METTL4: variants seen among roughly 807,000 people sequenced by gnomAD.
METTL4 encodes the protein methyltransferase 4, N6-adenosine, also known as N(6)-adenine-specific methyltransferase METTL4.
METTL4 carries 40 observed loss-of-function variants against 54.0 expected under a neutral mutation model. The ratio of observed to expected loss-of-function variants is 0.74; its 90% CI spans 0.58 to 0.96. The LOEUF is 0.96. Among genes scored for constraint, METTL4 ranks in the 50% least tolerant of loss-of-function variants. The pLI is 0.00. For synonymous variants in METTL4, 169 were observed against 183.8 expected, an observed-to-expected ratio of 0.92 and a Z score of 0.65; for missense variants, 525 against 549.0, an observed-to-expected ratio of 0.96 and a Z score of 0.44.
At chr18:2,559,112 G>A (rs774611130) in intron 3 of METTL4, among the ~76,000 whole-genome samples, 7 of 152,148 alleles carry the variant, frequency 4.6e-5, no homozygotes, top group Admixed American at 3.3e-4. Context: ...TTCCACTTCT[G>A]GGTATATATC....
intron 1 of METTL4, among the ~76,000 whole-genome samples, chr18:2,569,764 T>G (rs546642590): frequency 6.6e-6 from 1 of 152,302 alleles, no homozygotes; most frequent in Admixed American, 6.5e-5. Context: ...CCCACCTTTA[T>G]CAAGAGATGC....
Position 2,538,768 on chromosome 18 carries a change from C to T in METTL4, c.*232G>A. ...CATGGTCTTGCCGTCTTTATAACTGCTTACCACTTAATTTGTATAGTCTAG... is the reference window on the plus strand; with the variant it reads ...CATGGTCTTGCCGTCTTTATAACTGTTTACCACTTAATTTGTATAGTCTAG... On this transcript the variant is annotated 3_prime_UTR_variant, in exon 9 of 9. Transcript: ENST00000574538. The T allele has an allele frequency of 2.1e-6, 1 of 483,618 alleles. No individual in the cohort carries two copies. The highest frequency in any genetic ancestry group is 3.5e-5 in the South Asian group (1 of 28,488). The allele number at this position is 483,618 out of a possible 1,614,324, so 30.0% of individuals were successfully genotyped here.
Position 2,567,333 on chromosome 18 carries a change from G to A in METTL4, c.-117C>T. 1 of 864,810 alleles carries A rather than the reference G, an allele frequency of 1.2e-6. No homozygotes were observed. Among genetic ancestry groups the A allele is most frequent in the Non-Finnish European group, 1.7e-6 (1 of 582,744 alleles). The allele number at this position is 864,810 out of a possible 1,614,324, so 53.6% of individuals were successfully genotyped here. A position where few individuals can be genotyped will look rare whatever the true frequency, so the allele number is the denominator to read the frequency against. On this transcript the variant is annotated 5_prime_UTR_variant, in exon 2 of 9. Transcript: ENST00000574538. ...AACATACACTTCATACACACAGATA[G>A]ATTTGATATACAAGTACAAAAACCT...
chr18:2,561,249 G>T (rs1479434988), intron 3 of METTL4: 1 of 152,058 alleles, frequency 6.6e-6, no homozygotes, highest in East Asian at 1.9e-4. Context: ...AATTAGAGAA[G>T]AAATCAGAAA....
intron 5 of METTL4, among the ~76,000 whole-genome samples, chr18:2,548,409 C>T (rs866040096): frequency 6.6e-6 from 1 of 152,242 alleles, no homozygotes; most frequent in South Asian, 2.1e-4. Flanking sequence ...GTATGCTATC[C>T]AGCTATGTTA....
At chr18:2,563,926 C>G in intron 2 of METTL4, 67 bp from the exon 3 acceptor site, 1 of 994,862 alleles carries the variant, frequency 1.0e-6, no homozygotes, top group Non-Finnish European at 1.6e-6. Context: ...TTCATTATAA[C>G]ATTATTTATG....
rs1249142545 is a variant in METTL4, at chr18:2,567,024, AAGCAATAAATGC to A, written c.181_192del (p.Ala61_Ala64del). 7 of 1,614,194 alleles carry A rather than the reference AAGCAATAAATGC, an allele frequency of 4.3e-6. No individual in the cohort carries two copies. The highest frequency in any genetic ancestry group is 5.9e-6 in the Non-Finnish European group (7 of 1,180,010). On this transcript the variant is annotated inframe_deletion, in exon 2 of 9. Transcript: ENST00000574538. Reference sequence around the variant, plus strand: ...TTCTCTGGCTTAGTGGAAGAGTCAGAAGCAATAAATGCAGCACAGACTCCAGAGGAGGACACA... The same window carrying A: ...TTCTCTGGCTTAGTGGAAGAGTCAGAAGCACAGACTCCAGAGGAGGACACA...
chr18:2,551,990 C>T (rs548442744), intron 5 of METTL4, among the ~76,000 whole-genome samples: 59 of 152,128 alleles, frequency 3.9e-4, no homozygotes, highest in African/African-American at 1.2e-3. Context: ...GTCAGGATTT[C>T]GAGACCAGCC....
rs1320619914 is a variant in METTL4 at position 2,560,857 on chromosome 18, G to A, written c.459+2940C>T. The stretch of plus-strand genomic sequence containing the variant: ...TGGGCCACTGCACTCCAGCCTGGGC[G>A]ACAGAGCGAGACTCTGTCTCAAAAA... On this transcript the variant is annotated intron_variant, in intron 3 of 8. Transcript: ENST00000574538. 3.9e-5 allele frequency among the ~76,000 whole-genome samples: 6 copies of A among 152,082 alleles called. No individual in the cohort carries two copies. In the East Asian group the frequency reaches 7.7e-4, roughly 20 times the overall value.
At chr18:2,555,116 T>C in intron 3 of METTL4, 78 bp from the exon 4 acceptor site, 1 of 1,387,562 alleles carries the variant, frequency 7.2e-7, no homozygotes, top group Non-Finnish European at 1.0e-6. Context: ...ATATCTGAGT[T>C]TATAAACTGA....
chr18:2,543,062 T>C (rs1249348175), intron 8 of METTL4, among the ~76,000 whole-genome samples: 2 of 143,066 alleles, frequency 1.4e-5, no homozygotes, highest in South Asian at 2.2e-4. Context: ...AGGTAGAGGA[T>C]GCAGTGACCC....
At chr18:2,557,092 G>A (rs1011573117) in intron 3 of METTL4, among the ~76,000 whole-genome samples, 7 of 152,010 alleles carry the variant, frequency 4.6e-5, no homozygotes, top group African/African-American at 1.7e-4. Context: ...TAGAAAGGAA[G>A]AATCTGAGCA....
At chr18:2,548,337 T>C (rs1363130608) in intron 5 of METTL4, among the ~76,000 whole-genome samples, 2 of 150,030 alleles carry the variant, frequency 1.3e-5, no homozygotes, top group Non-Finnish European at 3.0e-5. Context: ...GGCTCCCCCA[T>C]TGCTGCTTCT....
chr18:2,540,648 T>C (rs2071981023), intron 8 of METTL4: 1 of 985,282 alleles, frequency 1.0e-6, no homozygotes, highest in Non-Finnish European at 1.2e-6. Flanking sequence ...CCTAAGTGCA[T>C]AAATTAAATG....
In METTL4 at chr18:2,540,840, T is replaced by C; in HGVS notation, c.1274-1695A>G. 4 of 985,458 alleles carry C rather than the reference T, an allele frequency of 4.1e-6. No homozygotes were observed. The South Asian group carries it at 1.4e-4, about 35-fold the overall frequency. 61.0% of individuals were successfully genotyped at this position (985,458 alleles called of 1,614,324 possible). On this transcript the variant is annotated intron_variant, in intron 8 of 8. Coordinates refer to ENST00000574538, the MANE Select transcript of METTL4 (RefSeq NM_022840.5). ...TTTTTGTTTCATTTGTTCAGATTTT[T>C]GGTACGAAGATGTTAGCAACCCTAT...
In METTL4 at chr18:2,566,847, CT is replaced by C. The variant is rs1293192838; in HGVS notation, c.369del (p.Glu124LysfsTer34). 6.4e-7 allele frequency: 1 copy of C among 1,569,372 alleles called. No homozygotes were observed. The highest frequency in any genetic ancestry group is 2.3e-5 in the East Asian group (1 of 44,118). ...EKEDLMNGVK[K>X]EISISIIGKK... Reference sequence around the variant, plus strand: ...TTCCCAATAATAGAAATGGAGATTTCTTTTTTAACACCATTCATCAGATCTT... The same window carrying C: ...TTCCCAATAATAGAAATGGAGATTTCTTTTTAACACCATTCATCAGATCTT... On this transcript the variant is annotated frameshift_variant, in exon 2 of 9. Coordinates refer to ENST00000574538, the MANE Select transcript of METTL4 (RefSeq NM_022840.5). LOFTEE classifies it high-confidence loss of function.
At chr18:2,557,927 C>T (rs9948895) in intron 3 of METTL4, among the ~76,000 whole-genome samples, 1 of 151,936 alleles carries the variant, frequency 6.6e-6, no homozygotes, top group Non-Finnish European at 1.5e-5. Flanking sequence ...GTAATTAGAC[C>T]GATCTTGCAT....
intron 8 of METTL4, among the ~76,000 whole-genome samples, chr18:2,542,043 T>TTA (rs1306675936): frequency 2.6e-5 from 4 of 152,186 alleles, no homozygotes; most frequent in Admixed American, 1.3e-4. Flanking sequence ...ACATAAGATT[T>TTA]TATATATATA....
intron 3 of METTL4, among the ~76,000 whole-genome samples, chr18:2,558,618 A>C (rs2072271494): frequency 6.7e-6 from 1 of 149,522 alleles, no homozygotes; most frequent in South Asian, 2.1e-4. Flanking sequence ...AGTAAACCAA[A>C]AGAAATAATA....
Sources: gnomAD v4.1 joint callset for allele counts (sites outside exome capture counted in the v4.1 genomes callset) on GRCh38, gnomAD v4.1.1 for gene constraint, MANE v1.5 for transcripts, NCBI Gene and HGNC (gene_info 2026-07-23, HGNC 2026-07-21) for gene names.